PHACTR4: variants seen among roughly 807,000 people sequenced by gnomAD.
PHACTR4 encodes the protein phosphatase and actin regulator 4, also known as protein phosphatase 1, regulatory subunit 124.
In PHACTR4, 51 loss-of-function variants were observed where a neutral mutation model predicts 72.7. That is an observed-to-expected ratio of 0.70 (90% CI 0.56 to 0.89). The LOEUF (loss-of-function observed/expected upper bound fraction) is 0.89, where lower values mean the gene tolerates loss of function less well. Ranked by LOEUF, PHACTR4 falls within the 40% of genes least tolerant of loss-of-function variation. The probability of loss-of-function intolerance (pLI) is 0.00; values close to 1 mark genes in which losing one functional copy is unlikely to be tolerated. For missense variants in PHACTR4, 731 were observed against 861.8 expected (o/e 0.85, Z 1.90); for synonymous variants, 255 against 302.5 (o/e 0.84, Z 1.63).
chr1:28,449,853 A>T (rs1166682697), intron 2 of PHACTR4, among the ~76,000 whole-genome samples: 6 of 150,800 alleles, frequency 4.0e-5, no homozygotes, highest in African/African-American at 1.5e-4. Context: ...CTCTGTATAA[A>T]AAAAAAAAAA....
intron 12 of PHACTR4, 56 bp from the exon 13 acceptor site, chr1:28,492,959 C>T: frequency 1.4e-6 from 2 of 1,455,214 alleles, no homozygotes; most frequent in South Asian, 1.1e-5. Flanking sequence ...TGACAAGTTA[C>T]ACTGCTGTGC....
rs745415400 is a variant in PHACTR4, at chr1:28,466,525, G to A, written c.580G>A (p.Gly194Ser). Residue 194 changes from glycine (G) to serine (S), a missense_variant, in exon 6 of 14, where the codon GGC (glycine) becomes AGC (serine). This residue lies in a region of PHACTR4 where 621 missense variants were observed against 676.6 expected (regional missense o/e 0.92). Transcript: ENST00000373839. The part of the protein sequence containing the change: ...GQAKDATSSG[G>S]TARFIISTSI... ...AGCAAAGGATGCCACTTCCTCTGGCGGCACGGCAAGGTTCATCATCTCCAC... is the reference window on the plus strand; with the variant it reads ...AGCAAAGGATGCCACTTCCTCTGGCAGCACGGCAAGGTTCATCATCTCCAC... 6.2e-6 allele frequency: 10 copies of A among 1,613,900 alleles called. No homozygotes were observed. The Admixed American group carries it at 6.7e-5, about 11-fold the overall frequency.
At chr1:28,406,115 C>T (rs939403497) in intron 1 of PHACTR4, among the ~76,000 whole-genome samples, 1 of 151,942 alleles carries the variant, frequency 6.6e-6, no homozygotes, top group East Asian at 1.9e-4. Flanking sequence ...ATAAATTTGA[C>T]TGATAAGATT....
intron 1 of PHACTR4, among the ~76,000 whole-genome samples, chr1:28,391,755 A>G (rs925879847): frequency 4.0e-5 from 6 of 151,602 alleles, no homozygotes; most frequent in Admixed American, 3.3e-4. Context: ...ACAGGCATGC[A>G]CCACCATGCC....
intron 2 of PHACTR4, chr1:28,438,236 A>G (rs1239360563): frequency 1.1e-5 from 15 of 1,396,002 alleles, no homozygotes; most frequent in Non-Finnish European, 1.4e-5. Context: ...ACTTCAGCAG[A>G]TGAACTGACC....
At chr1:28,400,871 C>T (rs1002931132) in intron 1 of PHACTR4, among the ~76,000 whole-genome samples, 2 of 152,034 alleles carry the variant, frequency 1.3e-5, no homozygotes, top group African/African-American at 2.4e-5. Context: ...TGAGCCACCA[C>T]GCCCGGCCTG....
intron 2 of PHACTR4, among the ~76,000 whole-genome samples, chr1:28,426,097 T>C (rs1179232209): frequency 6.6e-6 from 1 of 152,084 alleles, no homozygotes; most frequent in East Asian, 1.9e-4. Flanking sequence ...GGCAGGCGCC[T>C]GTAATCTCAG....
chr1:28,405,813 C>A (rs1654283660), intron 1 of PHACTR4, among the ~76,000 whole-genome samples: 1 of 151,720 alleles, frequency 6.6e-6, no homozygotes, highest in African/African-American at 2.4e-5. Flanking sequence ...ATCACTTGAA[C>A]CCAGGAGGCA....
At chr1:28,472,797 T>A (rs956055845) in intron 6 of PHACTR4, among the ~76,000 whole-genome samples, 2 of 142,344 alleles carry the variant, frequency 1.4e-5, no homozygotes, top group African/African-American at 2.8e-5. Flanking sequence ...TTTTTTTTTT[T>A]AGTAGAGACG....
chr1:28,470,147 T>C (rs1442432757), intron 6 of PHACTR4, among the ~76,000 whole-genome samples: 2 of 143,586 alleles, frequency 1.4e-5, no homozygotes, highest in Non-Finnish European at 1.5e-5. Flanking sequence ...AATCCCAGCA[T>C]TTGGGGAGGC....
intron 2 of PHACTR4, among the ~76,000 whole-genome samples, chr1:28,419,414 T>C (rs779557982): frequency 1.3e-5 from 2 of 149,968 alleles, no homozygotes; most frequent in Non-Finnish European, 3.0e-5. Flanking sequence ...CACACACACA[T>C]ATAAAGTGTA....
chr1:28,471,216 G>T (rs1659539301), intron 6 of PHACTR4, among the ~76,000 whole-genome samples: 1 of 152,062 alleles, frequency 6.6e-6, no homozygotes, highest in Admixed American at 6.6e-5. Context: ...GGGCGTGGTG[G>T]CACATGCCTG....
intron 2 of PHACTR4, chr1:28,453,582 G>C: frequency 1.1e-6 from 1 of 890,718 alleles, no homozygotes; most frequent in Non-Finnish European, 1.7e-6. Context: ...AGCAGAGGCA[G>C]CACAGTGGAT....
At chr1:28,408,668 A>AT (rs879588059) in intron 2 of PHACTR4, among the ~76,000 whole-genome samples, 2,549 of 148,102 alleles carry the variant, frequency 0.017, 27 homozygotes, top group East Asian at 0.029. Context: ...ATATATATAT[A>AT]TATTTTTTTT....
intron 2 of PHACTR4, among the ~76,000 whole-genome samples, chr1:28,435,324 G>A (rs753413827): frequency 4.2e-4 from 64 of 152,160 alleles, no homozygotes; most frequent in Non-Finnish European, 1.3e-4. Context: ...GAGTGCGGTG[G>A]CATGATCATG....
chr1:28,491,618 C>T (rs139050114), intron 11 of PHACTR4, 32 bp from the exon 12 acceptor site: 10 of 1,613,742 alleles, frequency 6.2e-6, no homozygotes, highest in South Asian at 4.4e-5. Context: ...TAATTATTGG[C>T]TTGGTGAACT....
chr1:28,466,844 C>A, intron 6 of PHACTR4, 76 bp downstream of exon 6: 2 of 1,507,290 alleles, frequency 1.3e-6, no homozygotes, highest in East Asian at 2.3e-5. Context: ...ATAACTGGTA[C>A]AACATTGATT....
chr1:28,467,380 TG>T (rs1659258080), intron 6 of PHACTR4: 1 of 32,656 alleles, frequency 3.1e-5, no homozygotes, highest in African/African-American at 3.8e-4. Flanking sequence ...TATACATATT[TG>T]TGTGTGTGTG....
At chr1:28,408,085 G>A (rs1395211969) in intron 2 of PHACTR4, among the ~76,000 whole-genome samples, 1 of 152,194 alleles carries the variant, frequency 6.6e-6, no homozygotes, top group African/African-American at 2.4e-5. Context: ...GCGCCACTGC[G>A]CTCCATCCTG....
Sources: allele counts gnomAD v4.1 joint callset (sites outside exome capture counted in the v4.1 genomes callset), GRCh38; gene constraint gnomAD v4.1.1; regional missense constraint gnomAD v4.1.1; transcripts MANE v1.5; gene names NCBI Gene and HGNC (gene_info 2026-07-23, HGNC 2026-07-21).